CRYBG1: variants seen among roughly 807,000 people sequenced by gnomAD.
CRYBG1 encodes crystallin beta-gamma domain containing 1, also known as beta/gamma crystallin domain-containing protein 1.
A neutral mutation model predicts 189.2 loss-of-function variants in CRYBG1; 139 were observed. The observed-to-expected ratio is 0.73, with a 90% confidence interval of 0.64 to 0.85. The LOEUF is 0.85. Among genes scored for constraint, CRYBG1 ranks in the 40% least tolerant of loss-of-function variants. The probability of loss-of-function intolerance (pLI) is 0.00; values close to 1 mark genes in which losing one functional copy is unlikely to be tolerated. For synonymous variants in CRYBG1, 1,023 were observed against 1,017.1 expected, an observed-to-expected ratio of 1.01 and a Z score of -0.11; for missense variants, 2,611 against 2,675.8, an observed-to-expected ratio of 0.98 and a Z score of 0.53.
intron 1 of CRYBG1, among the ~76,000 whole-genome samples, chr6:106,410,970 C>G (rs1005867985): frequency 6.6e-5 from 10 of 151,996 alleles, no homozygotes; most frequent in Non-Finnish European, 1.3e-4. Flanking sequence ...ATGTAACAAA[C>G]CTGCACGTTC....
At chr6:106,387,210 A>G (rs552375744) in intron 1 of CRYBG1, among the ~76,000 whole-genome samples, 55 of 152,208 alleles carry the variant, frequency 3.6e-4, no homozygotes, top group Non-Finnish European at 6.2e-4. Flanking sequence ...TGAAGTTGTA[A>G]GGATTTATGG....
intron 13 of CRYBG1, among the ~76,000 whole-genome samples, chr6:106,548,640 G>A (rs764266095): frequency 1.4e-4 from 22 of 152,068 alleles, no homozygotes; most frequent in Non-Finnish European, 2.8e-4. Context: ...TTACAGACTC[G>A]GAGCCCTGGT....
chr6:106,480,331 T>C (rs1055214396), intron 2 of CRYBG1, among the ~76,000 whole-genome samples: 3 of 152,010 alleles, frequency 2.0e-5, no homozygotes, highest in Non-Finnish European at 4.4e-5. Context: ...TAAGTTAGGA[T>C]TGCACACTGT....
intron 13 of CRYBG1, among the ~76,000 whole-genome samples, chr6:106,549,920 T>C (rs1774357537): frequency 6.6e-6 from 1 of 152,222 alleles, no homozygotes; most frequent in Non-Finnish European, 1.5e-5. Flanking sequence ...AGGCATGGTT[T>C]ACTAGAACAG....
At chr6:106,498,703 C>A (rs1772912212) in intron 2 of CRYBG1, among the ~76,000 whole-genome samples, 5 of 151,888 alleles carry the variant, frequency 3.3e-5, no homozygotes, top group Admixed American at 3.3e-4. Flanking sequence ...GGTGAATGAC[C>A]ATCTCTACTA....
intron 2 of CRYBG1, among the ~76,000 whole-genome samples, chr6:106,475,466 T>A (rs1772315954): frequency 6.6e-6 from 1 of 152,114 alleles, no homozygotes; most frequent in Non-Finnish European, 1.5e-5. Flanking sequence ...GCTGTGTGAA[T>A]CAGAGTTGGA....
chr6:106,497,725 T>C (rs768594400), intron 2 of CRYBG1, among the ~76,000 whole-genome samples: 1 of 152,250 alleles, frequency 6.6e-6, no homozygotes, highest in Non-Finnish European at 1.5e-5. Context: ...TTTTTTCAAA[T>C]GTGAAATGAA....
chr6:106,472,220 A>G (rs189017120), intron 2 of CRYBG1, among the ~76,000 whole-genome samples: 1 of 152,266 alleles, frequency 6.6e-6, no homozygotes, highest in Non-Finnish European at 1.5e-5. Flanking sequence ...ATTTGGTTGA[A>G]TTTTTTTCCT....
chr6:106,510,851 G>T (rs72939433), intron 2 of CRYBG1, among the ~76,000 whole-genome samples: 4,921 of 152,332 alleles, frequency 0.032, 115 homozygotes, highest in Non-Finnish European at 0.05. Flanking sequence ...GCGGGGCCCA[G>T]GTGCTTGCTT....
intron 19 of CRYBG1, 97 bp from the exon 20 acceptor site, chr6:106,561,245 T>C: frequency 7.6e-7 from 1 of 1,317,230 alleles, no homozygotes; most frequent in East Asian, 2.3e-5. Flanking sequence ...TTACCCTTAA[T>C]CCATATCTCA....
intron 3 of CRYBG1, among the ~76,000 whole-genome samples, chr6:106,515,579 A>T (rs575116293): frequency 4.6e-5 from 7 of 152,186 alleles, no homozygotes; most frequent in African/African-American, 1.7e-4. Context: ...CTGATAGCAA[A>T]TTGAAGCTCT....
At chr6:106,538,533 G>A (rs148487560) in intron 8 of CRYBG1, among the ~76,000 whole-genome samples, 13 of 152,280 alleles carry the variant, frequency 8.5e-5, no homozygotes, top group African/African-American at 3.1e-4. Flanking sequence ...TGATGATCCT[G>A]AGTAACTGTG....
At chr6:106,384,444 A>G (rs999366486) in intron 1 of CRYBG1, among the ~76,000 whole-genome samples, 4 of 152,176 alleles carry the variant, frequency 2.6e-5, no homozygotes, top group African/African-American at 7.2e-5. Flanking sequence ...ACAACTCACC[A>G]TAATGTAGAA....
chr6:106,367,455 C>T (rs1772024531), intron 1 of CRYBG1, among the ~76,000 whole-genome samples: 1 of 151,850 alleles, frequency 6.6e-6, no homozygotes. Context: ...GGCGTGGTGG[C>T]ATACGCCTGT....
chr6:106,540,757 C>A lies in CRYBG1; in HGVS notation c.4846-829C>A, dbSNP rs868627161. Among the ~76,000 whole-genome samples the A allele has an allele frequency of 8.7e-5, 13 of 149,254 alleles. 1 individual carries two copies. In the Middle Eastern group the frequency reaches 0.01, roughly 118 times the overall value. On this transcript the variant is annotated intron_variant, in intron 9 of 21. Coordinates refer to ENST00000633556, the MANE Select transcript of CRYBG1 (RefSeq NM_001371242.2). ...AACACATTCTTTTATAATTATAGTT[C>A]ATTTGGTGCCTTTGAGCATCCTTGG...
At position 106,437,436 on chromosome 6, in the gene CRYBG1, CT is replaced by C. The variant is rs1582762351; in HGVS notation, c.174-14256del. ...ATATTTTTCTTCTTCTTTTCTTTTT[CT>C]TCTTCTTTTTTTAAGAGATAGCATC... On this transcript the variant is annotated intron_variant, in intron 1 of 21. Coordinates refer to ENST00000633556, the MANE Select transcript of CRYBG1 (RefSeq NM_001371242.2). 6.1e-5 allele frequency among the ~76,000 whole-genome samples: 5 copies of C among 82,238 alleles called. No individual in the cohort carries two copies. In the East Asian group the frequency reaches 1.2e-3, roughly 19 times the overall value. The allele number at this position is 82,238 out of a possible 152,430, so 54.0% of individuals were successfully genotyped here. A position where few individuals can be genotyped will look rare whatever the true frequency, so the allele number is the denominator to read the frequency against.
rs1049757207 is a variant in CRYBG1, at chr6:106,360,945, G to A, written c.37G>A (p.Glu13Lys). Reference sequence around the variant, plus strand: ...CCCGCCAGCCCAGGGCGACCCCGGGGAGCCCAGCCCGTGCAGGCCCCCTAA... The same window carrying A: ...CCCGCCAGCCCAGGGCGACCCCGGGAAGCCCAGCCCGTGCAGGCCCCCTAA... ...LSPPAQGDPG[E>K]PSPCRPPKKH... The change falls in exon 1 of 22, where the codon GAG (glutamate) becomes AAG (lysine). Residue 13 changes from glutamate (E) to lysine (K), a missense_variant. Coordinates refer to ENST00000633556, the MANE Select transcript of CRYBG1 (RefSeq NM_001371242.2). 1.5e-5 allele frequency: 23 copies of A among 1,534,890 alleles called. No individual in the cohort carries two copies. The highest frequency in any genetic ancestry group is 1.7e-5 in the Non-Finnish European group (20 of 1,146,468).
intron 1 of CRYBG1, among the ~76,000 whole-genome samples, chr6:106,423,695 C>CTT (rs869170326): frequency 1.1e-3 from 49 of 42,964 alleles, no homozygotes; most frequent in Non-Finnish European, 1.6e-3. Flanking sequence ...TCTCCCTCCC[C>CTT]TTTTTTTTTT....
At chr6:106,557,567 T>G (rs1774580468) in intron 17 of CRYBG1, among the ~76,000 whole-genome samples, 1 of 152,124 alleles carries the variant, frequency 6.6e-6, no homozygotes, top group Non-Finnish European at 1.5e-5. Flanking sequence ...TGCACCACCA[T>G]GCCCGGCTAA....
Sources: gnomAD v4.1 joint callset for allele counts (sites outside exome capture counted in the v4.1 genomes callset) on GRCh38, gnomAD v4.1.1 for gene constraint, MANE v1.5 for transcripts, NCBI Gene and HGNC (gene_info 2026-07-23, HGNC 2026-07-21) for gene names.